PRKG1: variants seen among roughly 807,000 people sequenced by gnomAD.
PRKG1 encodes the protein cGMP-dependent protein kinase 1.
Under a neutral mutation model 88.1 loss-of-function variants are expected in PRKG1, and 35 were observed. That is an observed-to-expected ratio of 0.40 (90% CI 0.30 to 0.53). PRKG1 has a LOEUF of 0.53. Ranked by LOEUF, PRKG1 falls within the 20% of genes least tolerant of loss-of-function variation. The pLI is 0.59. For synonymous variants in PRKG1, 303 were observed against 292.5 expected (o/e 1.04, Z -0.37); for missense variants, 540 against 839.8 (o/e 0.64, Z 4.41).
At chr10:51,248,313 G>C (rs1234468332) in intron 2 of PRKG1, among the ~76,000 whole-genome samples, 1 of 151,736 alleles carries the variant, frequency 6.6e-6, no homozygotes, top group Non-Finnish European at 1.5e-5. Context: ...TAATATCTAT[G>C]TTTCTTCTAG....
At chr10:51,485,568 T>A (rs1319871212) in intron 3 of PRKG1, among the ~76,000 whole-genome samples, 1 of 152,132 alleles carries the variant, frequency 6.6e-6, no homozygotes, top group Non-Finnish European at 1.5e-5. Flanking sequence ...TCCCCTAGTA[T>A]AATAAAAAGT....
At chr10:51,406,842 G>T (rs1035094410) in intron 2 of PRKG1, among the ~76,000 whole-genome samples, 1 of 152,134 alleles carries the variant, frequency 6.6e-6, no homozygotes, top group Non-Finnish European at 1.5e-5. Flanking sequence ...ATATGTATAT[G>T]TATAAAGGGG....
At chr10:51,107,810 C>CAAAAAAAAAAAAAAAAAAAAAAAA (rs150587434) in intron 1 of PRKG1, among the ~76,000 whole-genome samples, 1 of 63,292 alleles carries the variant, frequency 1.6e-5, no homozygotes, top group Non-Finnish European at 3.0e-5. Context: ...AACCCTGTCT[C>CAAAAAAAAAAAAAAAAAAAAAAAA]AAAAAAAAAA....
At chr10:51,222,248 C>T (rs1470047434) in intron 2 of PRKG1, among the ~76,000 whole-genome samples, 1 of 151,918 alleles carries the variant, frequency 6.6e-6, no homozygotes, top group African/African-American at 2.4e-5. Flanking sequence ...CTGTTCCTCC[C>T]ACCTTCACTT....
chr10:52,105,082 A>T (rs1442591202), intron 7 of PRKG1, among the ~76,000 whole-genome samples: 1 of 152,144 alleles, frequency 6.6e-6, no homozygotes, highest in African/African-American at 2.4e-5. Context: ...CATTGAAAAG[A>T]AGCCTTTTCT....
chr10:51,911,390 A>G (rs756551950), intron 5 of PRKG1, among the ~76,000 whole-genome samples: 73 of 151,836 alleles, frequency 4.8e-4, no homozygotes, highest in African/African-American at 1.5e-3. Flanking sequence ...TCTTTTCCAC[A>G]GCTGTAAAAG....
At chr10:51,198,664 T>A (rs1837835477) in intron 2 of PRKG1, among the ~76,000 whole-genome samples, 1 of 152,214 alleles carries the variant, frequency 6.6e-6, no homozygotes. Flanking sequence ...CAGCTGATTA[T>A]CCTGTTTACA....
chr10:52,161,852 G>A, intron 8 of PRKG1, 37 bp from the exon 9 acceptor site: 1 of 1,587,556 alleles, frequency 6.3e-7, no homozygotes, highest in East Asian at 2.2e-5. Flanking sequence ...CTACTATTTT[G>A]TAGAAGATTA....
chr10:52,209,793 A>G (rs1839916780), intron 9 of PRKG1, among the ~76,000 whole-genome samples: 1 of 152,066 alleles, frequency 6.6e-6, no homozygotes, highest in Non-Finnish European at 1.5e-5. Flanking sequence ...TGTTCCTTCT[A>G]GGAGTCCCTG....
chr10:51,685,854 C>G (rs1302984512), intron 3 of PRKG1, among the ~76,000 whole-genome samples: 3 of 152,032 alleles, frequency 2.0e-5, no homozygotes, highest in African/African-American at 7.2e-5. Flanking sequence ...AAAAAAGTAA[C>G]TATTCCTCCC....
At chr10:51,544,780 T>G (rs1180279237) in intron 3 of PRKG1, among the ~76,000 whole-genome samples, 5 of 152,034 alleles carry the variant, frequency 3.3e-5, no homozygotes, top group Non-Finnish European at 7.4e-5. Flanking sequence ...TACAATCTAC[T>G]CATCTGACAA....
rs936448620 is a variant in PRKG1 at position 51,196,760 on chromosome 10, T to C, written c.478+43430T>C. 5.9e-5 allele frequency among the ~76,000 whole-genome samples: 9 copies of C among 152,118 alleles called. No individual in the cohort carries two copies. The South Asian group carries it at 6.2e-4, about 10-fold the overall frequency. On this transcript the variant is annotated intron_variant, in intron 2 of 17. Transcript: ENST00000373980. ...AAGCAGATGGTAAATATTTGAGTTA[T>C]AAACATGTGTATATTTTTTGTACTC...
At chr10:52,029,427 A>AGGAATG (rs1473805757) in intron 5 of PRKG1, among the ~76,000 whole-genome samples, 2 of 152,200 alleles carry the variant, frequency 1.3e-5, no homozygotes, top group Non-Finnish European at 2.9e-5. Context: ...ACTATTAGAG[A>AGGAATG]GGAATGGAAT....
intron 4 of PRKG1, among the ~76,000 whole-genome samples, chr10:51,825,884 C>T (rs773314707): frequency 1.4e-4 from 21 of 152,088 alleles, no homozygotes; most frequent in Non-Finnish European, 2.4e-4. Flanking sequence ...GATTGAAGTT[C>T]CCAAGTCTGG....
At chr10:52,022,725 A>C (rs941540478) in intron 5 of PRKG1, among the ~76,000 whole-genome samples, 2 of 152,180 alleles carry the variant, frequency 1.3e-5, no homozygotes, top group Non-Finnish European at 2.9e-5. Flanking sequence ...AAATGTTGGC[A>C]GTGGACAAGA....
chr10:51,465,003 A>G (rs938795389), intron 2 of PRKG1, among the ~76,000 whole-genome samples: 1 of 152,186 alleles, frequency 6.6e-6, no homozygotes. Flanking sequence ...GTAATGCCAT[A>G]TGAAAATAGG....
intron 3 of PRKG1, among the ~76,000 whole-genome samples, chr10:51,777,491 A>C (rs1282077028): frequency 6.6e-6 from 1 of 152,038 alleles, no homozygotes; most frequent in Non-Finnish European, 1.5e-5. Flanking sequence ...TAATTGTTTC[A>C]CAGCAAAGGA....
At chr10:51,931,888 A>G (rs1589432095) in intron 5 of PRKG1, among the ~76,000 whole-genome samples, 1 of 152,178 alleles carries the variant, frequency 6.6e-6, no homozygotes, top group African/African-American at 2.4e-5. Context: ...TTTAGAATCC[A>G]AATAGTCTAT....
At chr10:51,407,593 C>T (rs1166890282) in intron 2 of PRKG1, among the ~76,000 whole-genome samples, 1 of 152,190 alleles carries the variant, frequency 6.6e-6, no homozygotes, top group Non-Finnish European at 1.5e-5. Flanking sequence ...GGGTTACCTT[C>T]TTCTACTACC....
Sources: gnomAD v4.1 joint callset for allele counts (sites outside exome capture counted in the v4.1 genomes callset) on GRCh38, gnomAD v4.1.1 for gene constraint, MANE v1.5 for transcripts, NCBI Gene and HGNC (gene_info 2026-07-23, HGNC 2026-07-21) for gene names.